Variants in DUSP15 observed in about 807,000 individuals in gnomAD.
DUSP15 encodes the protein dual specificity protein phosphatase 15.
A neutral mutation model predicts 26.3 loss-of-function variants in DUSP15; 23 were observed. That is an observed-to-expected ratio of 0.87 (90% confidence interval 0.63 to 1.24). The LOEUF is 1.24. DUSP15 is among the 50% of genes most tolerant of loss of function. The pLI is 0.00. For synonymous variants in DUSP15, 143 were observed against 135.5 expected (o/e 1.06, Z -0.39); for missense variants, 364 against 320.6 (o/e 1.14, Z -1.03).
downstream of DUSP15, among the ~76,000 whole-genome samples, chr20:31,856,267 A>T (rs1034545976): frequency 6.6e-6 from 1 of 151,998 alleles, no homozygotes; most frequent in African/African-American, 2.4e-5. Flanking sequence ...GAGGGGAGGG[A>T]GTGGAGACAG....
At chr20:31,863,389 C>T (rs781405637) in intron 5 of DUSP15, among the ~76,000 whole-genome samples, 4 of 152,154 alleles carry the variant, frequency 2.6e-5, no homozygotes, top group Non-Finnish European at 5.9e-5. Context: ...CTTGGGAAAC[C>T]GGCCTCCTTG....
intron 2 of DUSP15, among the ~76,000 whole-genome samples, chr20:31,868,728 C>A (rs1042050435): frequency 2.2e-4 from 33 of 152,296 alleles, no homozygotes; most frequent in African/African-American, 7.9e-4. Context: ...GGTCTGCCCG[C>A]CTCCGCCTCC....
chr20:31,869,449 C>T (rs1325823200), intron 2 of DUSP15, 115 bp downstream of exon 2: 18 of 1,409,952 alleles, frequency 1.3e-5, no homozygotes, highest in Non-Finnish European at 1.5e-5. Context: ...AGCCTGGGGC[C>T]GCTTCCCTGC....
downstream of DUSP15, among the ~76,000 whole-genome samples, chr20:31,846,442 T>TAGAGAGAGAGAGAGAG (rs71185371): frequency 1.5e-4 from 16 of 107,854 alleles, no homozygotes; most frequent in African/African-American, 6.0e-4. Context: ...AAGGAATGAA[T>TAGAGAGAGAGAGAGAG]AGAGAGAGAG....
At chr20:31,867,892 G>C (rs1173297953) in intron 2 of DUSP15, among the ~76,000 whole-genome samples, 2 of 151,998 alleles carry the variant, frequency 1.3e-5, no homozygotes, top group African/African-American at 4.8e-5. Flanking sequence ...TGATCCGCCC[G>C]CCTTGGCCTC....
At chr20:31,850,436 G>A (rs2062450424) in intron 7 of DUSP15, among the ~76,000 whole-genome samples, 1 of 152,236 alleles carries the variant, frequency 6.6e-6, no homozygotes. Context: ...GGGCTGTGGG[G>A]AGCTTGGAAG....
intron 5 of DUSP15, among the ~76,000 whole-genome samples, chr20:31,863,202 G>A (rs2062699092): frequency 6.6e-6 from 1 of 152,174 alleles, no homozygotes; most frequent in Admixed American, 6.5e-5. Context: ...GTGGGGTTAG[G>A]GAAGGGGTTC....
intron 4 of DUSP15, 113 bp downstream of exon 4, chr20:31,864,840 A>T: frequency 8.8e-7 from 1 of 1,130,744 alleles, no homozygotes; most frequent in South Asian, 1.4e-5. Context: ...TGAGTTGAAC[A>T]CCTGTGATAG....
intron 2 of DUSP15, among the ~76,000 whole-genome samples, chr20:31,868,262 C>T (rs917344405): frequency 9.2e-5 from 14 of 152,108 alleles, no homozygotes; most frequent in Non-Finnish European, 1.8e-4. Context: ...TCAGACCTTA[C>T]TTGGCCAAAT....
At position 31,862,734 on chromosome 20, in the gene DUSP15, C is replaced by T; in HGVS notation, c.272G>A (p.Gly91Asp). 1.9e-6 allele frequency: 3 copies of T among 1,602,070 alleles called. No individual in the cohort carries two copies. Among genetic ancestry groups the T allele is most frequent in the East Asian group, 4.5e-5 (2 of 44,502 alleles). ...GGNCLVHCFA[G>D]ISRSTTIVTA... The stretch of plus-strand genomic sequence containing the variant: ...CACAATCGTGGTGCTGCGAGAGATG[C>T]CTGCAAAGCTGGGATCCCCAACAAC... Residue 91 changes from glycine (G) to aspartate (D), a missense_variant, in exon 6 of 7, where the codon GGC (glycine) becomes GAC (aspartate). Physicochemically the swap from Gly to Asp is moderately conservative, Grantham distance 94 (BLOSUM62 -1). Transcript: ENST00000339738.
Position 31,870,315 on chromosome 20 carries a change from A to T in DUSP15, c.21+2T>A. On this transcript the variant is annotated splice_donor_variant, in intron 1 of 6. Transcript: ENST00000339738. LOFTEE classifies it high-confidence loss of function. This position sits in a 1 kb window ranked among gnomAD's most constrained non-coding sequence, Gnocchi z 6.6. Reference sequence around the variant, plus strand: ...GGAGGCTGCGCGGGGCCCGCCCCCTACCTTGGTCATGCCATTGCCCATGAT... The same window carrying T: ...GGAGGCTGCGCGGGGCCCGCCCCCTTCCTTGGTCATGCCATTGCCCATGAT... 1.6e-6 allele frequency: 2 copies of T among 1,258,566 alleles called. No homozygotes were observed. The highest frequency in any genetic ancestry group is 2.0e-6 in the Non-Finnish European group (2 of 1,002,688). 78.0% of individuals were successfully genotyped at this position (1,258,566 alleles called of 1,614,324 possible).
upstream of DUSP15, chr20:31,870,657 G>A (rs1002540188): frequency 1.0e-5 from 13 of 1,253,300 alleles, no homozygotes; most frequent in African/African-American, 1.9e-4. This position sits in a 1 kb window ranked among gnomAD's most constrained non-coding sequence, Gnocchi z 6.6. Context: ...CACGGCCCGC[G>A]GGACAACGGC....
intron 6 of DUSP15, among the ~76,000 whole-genome samples, chr20:31,852,847 C>G (rs960352908): frequency 6.6e-6 from 1 of 152,194 alleles, no homozygotes; most frequent in Non-Finnish European, 1.5e-5. Context: ...GTCCAGCTGG[C>G]TGCACTCACT....
At chr20:31,850,675 C>G (rs1406424188) in exon 7 of DUSP15, 1 of 1,611,004 alleles carries the variant, frequency 6.2e-7, no homozygotes, top group East Asian at 2.2e-5. Flanking sequence ...ATGTCTGGCA[C>G]CCTGGTGAAG....
At chr20:31,852,518 T>A (rs142230031) in intron 6 of DUSP15, among the ~76,000 whole-genome samples, 1 of 152,260 alleles carries the variant, frequency 6.6e-6, no homozygotes, top group Non-Finnish European at 1.5e-5. Context: ...CTTGTAGAAG[T>A]TGGAGATGTT....
downstream of DUSP15, among the ~76,000 whole-genome samples, chr20:31,859,152 A>T (rs1345288060): frequency 6.6e-6 from 1 of 152,120 alleles, no homozygotes; most frequent in African/African-American, 2.4e-5. Context: ...CCAGGAGCCA[A>T]AATGTGTCTC....
rs1471422788 is a variant in DUSP15, at chr20:31,863,981, G to C, written c.189C>G (p.Ile63Met). The part of the protein sequence containing the change: ...IPVADTPEVP[I>M]KKHFKECINF... The stretch of plus-strand genomic sequence containing the variant: ...TGATACATTCTTTGAAGTGCTTTTT[G>C]CTAGAGGAGAAAGCAATAGGGTAGG... Residue 63 changes from isoleucine to methionine, a missense_variant and splice_region_variant, in exon 5 of 7, where the codon ATC becomes ATG. By Grantham distance (10) the Ile-to-Met change is conservative (BLOSUM62 1). Coordinates refer to ENST00000339738, the MANE Select transcript of DUSP15 (RefSeq NM_080611.5). 1.2e-6 allele frequency: 2 copies of C among 1,612,834 alleles called. No homozygotes were observed. Among genetic ancestry groups the C allele is most frequent in the Non-Finnish European group, 1.7e-6 (2 of 1,179,266 alleles).
At chr20:31,849,816 G>A (rs1166240752) in exon 8 of DUSP15, 1 of 1,528,502 alleles carries the variant, frequency 6.5e-7, no homozygotes, top group Non-Finnish European at 8.7e-7. Context: ...TGGGCTGTGC[G>A]CCCGGTGGCT....
At chr20:31,848,971 T>A in intron 8 of DUSP15, 1 of 1,296,396 alleles carries the variant, frequency 7.7e-7, no homozygotes, top group Non-Finnish European at 1.1e-6. Context: ...GGCAACCCAC[T>A]GGTGCCCATC....
Sources: allele counts gnomAD v4.1 joint callset (sites outside exome capture counted in the v4.1 genomes callset), GRCh38; gene constraint gnomAD v4.1.1; non-coding constraint Gnocchi (gnomAD v3.1); transcripts MANE v1.5; gene names NCBI Gene and HGNC (gene_info 2026-07-23, HGNC 2026-07-21).